The following GDA variants were observed in gnomAD, a reference collection of about 807,000 sequenced individuals.
GDA encodes the protein guanine deaminase, also known as cytoplasmic PSD-95 interactor.
GDA carries 18 observed loss-of-function variants against 59.6 expected under a neutral mutation model. That is an observed-to-expected ratio of 0.30 (90% CI 0.21 to 0.45). GDA has a LOEUF of 0.45. Ranked by LOEUF, GDA falls within the 20% of genes least tolerant of loss-of-function variation. GDA has a pLI of 1.00. For missense variants in GDA, 427 were observed against 552.3 expected, an observed-to-expected ratio of 0.77 and a Z score of 2.27; for synonymous variants, 201 against 201.1, an observed-to-expected ratio of 1.00 and a Z score of 0.00.
intron 10 of GDA, among the ~76,000 whole-genome samples, chr9:72,239,037 G>A (rs951003960): frequency 2.6e-5 from 4 of 152,112 alleles, no homozygotes; most frequent in Non-Finnish European, 4.4e-5. Flanking sequence ...CTACCACAGT[G>A]CCTCTAGCCA....
chr9:72,196,637 CACAGGTAT>C (rs748280713), intron 2 of GDA, among the ~76,000 whole-genome samples: 11 of 152,010 alleles, frequency 7.2e-5, no homozygotes, highest in Non-Finnish European at 1.5e-4. Flanking sequence ...AGGTTTGTTA[CACAGGTAT>C]ACATGTGCCA....
intron 1 of GDA, among the ~76,000 whole-genome samples, chr9:72,184,957 G>A (rs996113440): frequency 1.3e-5 from 2 of 152,240 alleles, no homozygotes; most frequent in South Asian, 2.1e-4. Flanking sequence ...TGGCCTGTGA[G>A]CTAAGTATGG....
At chr9:72,181,645 CT>C (rs986756088) in intron 1 of GDA, among the ~76,000 whole-genome samples, 2 of 151,854 alleles carry the variant, frequency 1.3e-5, no homozygotes, top group Admixed American at 1.3e-4. Context: ...TTTTCACTTT[CT>C]TTTTTTTCTT....
Position 72,161,965 on chromosome 9 carries a change from G to A in GDA, c.123+12283G>A, listed in dbSNP as rs73484246. 6.3e-3 allele frequency among the ~76,000 whole-genome samples: 965 copies of A among 152,330 alleles called. 9 individuals are homozygous for A. Among genetic ancestry groups the A allele is most frequent in the African/African-American group, 0.022 (899 of 41,580 alleles). On this transcript the variant is annotated intron_variant, in intron 1 of 13. Coordinates refer to ENST00000358399, the MANE Select transcript of GDA (RefSeq NM_004293.5). ...AAGATGCAACACAAGAAGTAACATC[G>A]TTGGTGACTTCCACACACTGATGCA...
chr9:72,257,932 G>GA (rs77904666), downstream of GDA: 1,539 of 98,322 alleles, frequency 0.016, 20 homozygotes, highest in African/African-American at 0.038. Flanking sequence ...ACCTAGTCTC[G>GA]AAAAAAAAAA....
At chr9:72,116,737 A>T (rs1825464239) in intron 1 of GDA, among the ~76,000 whole-genome samples, 1 of 152,094 alleles carries the variant, frequency 6.6e-6, no homozygotes. Flanking sequence ...CCCTTATCTT[A>T]TATAGAACTA....
intron 1 of GDA, among the ~76,000 whole-genome samples, chr9:72,124,895 A>G (rs1296355495): frequency 2.0e-5 from 3 of 152,188 alleles, no homozygotes; most frequent in Non-Finnish European, 2.9e-5. Flanking sequence ...GGCTTGAGCC[A>G]TCGCGCCTGG....
chr9:72,202,879 C>CTTTTT, intron 3 of GDA, 137 bp downstream of exon 3: 2 of 652,974 alleles, frequency 3.1e-6, no homozygotes, highest in South Asian at 2.0e-5. Context: ...GTTTCTTTTT[C>CTTTTT]ACAGTCCAGT....
In GDA at chr9:72,235,690, CA is replaced by C. The variant is rs11411689; in HGVS notation, c.988+4522del. The stretch of plus-strand genomic sequence containing the variant: ...CCAGCCTGGGTGACAGAGAGAGACT[CA>C]AAAAAAAAAAAATTCCTTGTCTCAG... On this transcript the variant is annotated intron_variant, in intron 10 of 13. Coordinates refer to ENST00000358399, the MANE Select transcript of GDA (RefSeq NM_004293.5). Among the ~76,000 whole-genome samples, 429 of 142,210 alleles carry C rather than the reference CA, an allele frequency of 3.0e-3. 3 individuals are homozygous for C. The highest frequency in any genetic ancestry group is 0.022 in the South Asian group (97 of 4,474). The allele number at this position is 142,210 out of a possible 152,430, so 93.3% of individuals were successfully genotyped here.
At chr9:72,259,705 T>A (rs1019894009), downstream of GDA, among the ~76,000 whole-genome samples, 4 of 152,150 alleles carry the variant, frequency 2.6e-5, no homozygotes, top group African/African-American at 9.6e-5. Flanking sequence ...AGAGCCAACA[T>A]ACTTGGAGGA....
intron 11 of GDA, among the ~76,000 whole-genome samples, chr9:72,243,991 C>T (rs923156462): frequency 1.3e-5 from 2 of 151,916 alleles, no homozygotes; most frequent in African/African-American, 2.4e-5. Flanking sequence ...CTGGCTAACA[C>T]GGTGAAACCC....
At chr9:72,189,262 C>A (rs903358485) in intron 1 of GDA, among the ~76,000 whole-genome samples, 2 of 146,478 alleles carry the variant, frequency 1.4e-5, no homozygotes, top group African/African-American at 5.1e-5. Flanking sequence ...CTTACTGCAG[C>A]CTTGACCTCC....
At chr9:72,247,254 A>ACATAGCC in intron 12 of GDA, 152 bp from the exon 13 acceptor site, 1 of 673,596 alleles carries the variant, frequency 1.5e-6, no homozygotes. Context: ...TTTATAAAGC[A>ACATAGCC]CATAGCCACT....
At chr9:72,201,411 C>CA (rs1169589802) in intron 2 of GDA, among the ~76,000 whole-genome samples, 1 of 152,106 alleles carries the variant, frequency 6.6e-6, no homozygotes, top group African/African-American at 2.4e-5. Context: ...TAACTGACTA[C>CA]AAAAAAGCTA....
intron 1 of GDA, among the ~76,000 whole-genome samples, chr9:72,169,102 C>T (rs1416977175): frequency 3.3e-5 from 5 of 152,202 alleles, no homozygotes; most frequent in African/African-American, 1.2e-4. Flanking sequence ...TAAACCCTTC[C>T]AAGACTGCCA....
chr9:72,207,800 A>G (rs1834897156), intron 3 of GDA, among the ~76,000 whole-genome samples: 1 of 152,094 alleles, frequency 6.6e-6, no homozygotes, highest in Non-Finnish European at 1.5e-5. Context: ...CTGAGTTCTC[A>G]TTTGCTTTTT....
At chr9:72,131,644 C>T (rs955308702) in intron 1 of GDA, among the ~76,000 whole-genome samples, 2 of 123,198 alleles carry the variant, frequency 1.6e-5, no homozygotes, top group Non-Finnish European at 4.0e-5. Flanking sequence ...ACACCACGTG[C>T]ACAGACACAC....
intron 1 of GDA, among the ~76,000 whole-genome samples, chr9:72,164,958 C>A (rs1308699420): frequency 6.8e-6 from 1 of 147,670 alleles, no homozygotes; most frequent in African/African-American, 2.5e-5. Context: ...CCACTGCACT[C>A]CAGCCTGGGC....
At chr9:72,118,683 A>G (rs767366241) in intron 1 of GDA, among the ~76,000 whole-genome samples, 1 of 152,208 alleles carries the variant, frequency 6.6e-6, no homozygotes, top group Admixed American at 6.5e-5. Flanking sequence ...CAGAAATGCA[A>G]ATTACCCTGA....
Sources: allele counts gnomAD v4.1 joint callset (sites outside exome capture counted in the v4.1 genomes callset), GRCh38; gene constraint gnomAD v4.1.1; transcripts MANE v1.5; gene names NCBI Gene and HGNC (gene_info 2026-07-23, HGNC 2026-07-21).